Variants in MTSS1 observed in about 807,000 individuals in gnomAD.
MTSS1 encodes protein MTSS 1.
MTSS1 carries 18 observed loss-of-function variants against 79.0 expected under a neutral mutation model. The ratio of observed to expected loss-of-function variants is 0.23; its 90% CI spans 0.16 to 0.34. The LOEUF is 0.34. Among genes scored for constraint, MTSS1 ranks in the 10% least tolerant of loss-of-function variants. The probability of loss-of-function intolerance (pLI) is 1.00; values close to 1 mark genes in which losing one functional copy is unlikely to be tolerated. For synonymous variants in MTSS1, 341 were observed against 368.6 expected (o/e 0.93, Z 0.86); for missense variants, 815 against 986.2 (o/e 0.83, Z 2.33).
chr8:124,710,760 C>T (rs536361628), intron 1 of MTSS1, among the ~76,000 whole-genome samples: 1 of 152,200 alleles, frequency 6.6e-6, no homozygotes, highest in Admixed American at 6.5e-5. Flanking sequence ...CCCAGCCCAG[C>T]GCCACTGGGA....
At chr8:124,591,670 G>A (rs954232843) in intron 3 of MTSS1, among the ~76,000 whole-genome samples, 3 of 152,088 alleles carry the variant, frequency 2.0e-5, no homozygotes, top group East Asian at 1.9e-4. Context: ...AAATAATCCC[G>A]TTAACATTAT....
rs999928095 is a variant in MTSS1 at position 124,626,653 on chromosome 8, C to T, written c.209-35418G>A. Among the ~76,000 whole-genome samples the T allele has an allele frequency of 4.6e-5, 7 of 151,996 alleles. No individual in the cohort carries two copies. In the East Asian group the frequency reaches 7.7e-4, roughly 17 times the overall value. On this transcript the variant is annotated intron_variant, in intron 3 of 13. Coordinates refer to ENST00000518547, the MANE Select transcript of MTSS1 (RefSeq NM_014751.6). ...AGGCGGTTTGTGGGGAGGCATTCAA[C>T]CTGCCCTTGGGAGGAGATAATGAGG...
chr8:124,584,547 G>C lies in MTSS1; in HGVS notation c.460+540C>G, dbSNP rs572016672. Among the ~76,000 whole-genome samples the C allele has an allele frequency of 7.9e-5, 12 of 152,292 alleles. No homozygotes were observed. In the South Asian group the frequency reaches 1.5e-3, roughly 18 times the overall value. ...TGTGAAGGAGGATAAACAAGGATGTGGGGGAAAGGCATCTTGCCTGGTTGT... is the reference window on the plus strand; with the variant it reads ...TGTGAAGGAGGATAAACAAGGATGTCGGGGAAAGGCATCTTGCCTGGTTGT... On this transcript the variant is annotated intron_variant, in intron 6 of 13. Coordinates refer to ENST00000518547, the MANE Select transcript of MTSS1 (RefSeq NM_014751.6).
At chr8:124,612,408 C>T (rs889143619) in intron 3 of MTSS1, among the ~76,000 whole-genome samples, 8 of 152,314 alleles carry the variant, frequency 5.3e-5, no homozygotes, top group Admixed American at 2.0e-4. Context: ...TTTGCATTCA[C>T]ATAACTGAGA....
chr8:124,595,863 T>C (rs1832669922), intron 3 of MTSS1, among the ~76,000 whole-genome samples: 1 of 152,170 alleles, frequency 6.6e-6, no homozygotes, highest in South Asian at 2.1e-4. Context: ...TCTAGGCCCA[T>C]GATGCTAACT....
At position 124,582,978 on chromosome 8, in the gene MTSS1, C is replaced by G. The variant is rs557269818; in HGVS notation, c.460+2109G>C. ...TCCCAGAAATATACAAATAGAACACCTGGTCCAAAACTGCACTTACTGATT... is the reference window on the plus strand; with the variant it reads ...TCCCAGAAATATACAAATAGAACACGTGGTCCAAAACTGCACTTACTGATT... On this transcript the variant is annotated intron_variant, in intron 6 of 13. Coordinates refer to ENST00000518547, the MANE Select transcript of MTSS1 (RefSeq NM_014751.6). This position sits in a 1 kb window ranked among gnomAD's most constrained non-coding sequence, Gnocchi z 4.8. 3.3e-5 allele frequency among the ~76,000 whole-genome samples: 5 copies of G among 152,194 alleles called. No homozygotes were observed. The highest frequency in any genetic ancestry group is 7.3e-5 in the Non-Finnish European group (5 of 68,050).
chr8:124,579,973 T>A (rs961727585), intron 6 of MTSS1: 10 of 152,502 alleles, frequency 6.6e-5, no homozygotes, highest in African/African-American at 2.4e-4. Context: ...GATTACTTAA[T>A]TGGAAGATCT....
At chr8:124,554,502 G>A (rs562389362) in intron 13 of MTSS1, among the ~76,000 whole-genome samples, 2 of 152,272 alleles carry the variant, frequency 1.3e-5, no homozygotes, top group African/African-American at 4.8e-5. Flanking sequence ...TGTCTTAGAG[G>A]TTTTGAATGA....
chr8:124,552,968 C>G lies in MTSS1; in HGVS notation c.*24G>C. The G allele has an allele frequency of 6.2e-7, 1 of 1,601,306 alleles. No individual in the cohort carries two copies. On this transcript the variant is annotated 3_prime_UTR_variant, in exon 14 of 14. Coordinates refer to ENST00000518547, the MANE Select transcript of MTSS1 (RefSeq NM_014751.6). ...GTTTTATTAATGAAACAGTTCATTC[C>G]CCACCGGCGCATTTCTTGTGAACCT...
chr8:124,670,774 C>T (rs569012460), intron 3 of MTSS1, among the ~76,000 whole-genome samples: 12 of 152,250 alleles, frequency 7.9e-5, no homozygotes, highest in East Asian at 7.7e-4. Flanking sequence ...CAATTCATCC[C>T]GTCTCCAAAG....
intron 3 of MTSS1, among the ~76,000 whole-genome samples, chr8:124,631,239 G>C (rs1447315328): frequency 6.6e-6 from 1 of 152,200 alleles, no homozygotes; most frequent in African/African-American, 2.4e-5. Context: ...CGCTGCCACA[G>C]CTGGGTGCTC....
At chr8:124,698,797 C>T (rs907142718) in intron 3 of MTSS1, among the ~76,000 whole-genome samples, 1 of 152,206 alleles carries the variant, frequency 6.6e-6, no homozygotes, top group Non-Finnish European at 1.5e-5. Context: ...GCTGGGATTA[C>T]AGGCATGACC....
chr8:124,637,595 G>T (rs1412782074), intron 3 of MTSS1, among the ~76,000 whole-genome samples: 1 of 152,128 alleles, frequency 6.6e-6, no homozygotes, highest in African/African-American at 2.4e-5. Context: ...GCAAAACCTT[G>T]GCCTTGGCCC....
intron 3 of MTSS1, among the ~76,000 whole-genome samples, chr8:124,693,284 G>C (rs1323934233): frequency 6.6e-6 from 1 of 152,210 alleles, no homozygotes; most frequent in East Asian, 1.9e-4. Flanking sequence ...GTTATGGCAA[G>C]ATGGCAAGAG....
chr8:124,586,141 T>C (rs1830822307), intron 5 of MTSS1, among the ~76,000 whole-genome samples: 1 of 152,218 alleles, frequency 6.6e-6, no homozygotes, highest in African/African-American at 2.4e-5. Flanking sequence ...TGGTCACCTG[T>C]GACACTTTTC....
chr8:124,623,878 C>T (rs965591989), intron 3 of MTSS1, among the ~76,000 whole-genome samples: 2 of 152,170 alleles, frequency 1.3e-5, no homozygotes, highest in African/African-American at 2.4e-5. Flanking sequence ...TCCTGACCTC[C>T]GGTGATCCGC....
At chr8:124,588,865 C>T (rs1372816877) in intron 5 of MTSS1, among the ~76,000 whole-genome samples, 1 of 151,978 alleles carries the variant, frequency 6.6e-6, no homozygotes, top group African/African-American at 2.4e-5. Context: ...CAGGCATGCA[C>T]CACCACACCT....
At chr8:124,612,573 AATGT>A (rs1292408163) in intron 3 of MTSS1, among the ~76,000 whole-genome samples, 20 of 119,746 alleles carry the variant, frequency 1.7e-4, no homozygotes, top group African/African-American at 5.9e-4. Flanking sequence ...CCAAGTTTAA[AATGT>A]GTGTGTGTGT....
At chr8:124,689,124 C>T (rs891332609) in intron 3 of MTSS1, among the ~76,000 whole-genome samples, 3 of 152,086 alleles carry the variant, frequency 2.0e-5, no homozygotes, top group Non-Finnish European at 2.9e-5. Context: ...TATTCTATAA[C>T]TATTCCTTGA....
Sources: allele counts gnomAD v4.1 joint callset (sites outside exome capture counted in the v4.1 genomes callset), GRCh38; gene constraint gnomAD v4.1.1; non-coding constraint Gnocchi (gnomAD v3.1); transcripts MANE v1.5; gene names NCBI Gene and HGNC (gene_info 2026-07-23, HGNC 2026-07-21).